DCPS: variants seen among roughly 807,000 people sequenced by gnomAD.
DCPS encodes m7GpppX diphosphatase.
In DCPS, 27 loss-of-function variants were observed where a neutral mutation model predicts 34.7. The observed-to-expected ratio is 0.78, with a 90% CI of 0.57 to 1.07. DCPS has a LOEUF of 1.07. Ranked by LOEUF, DCPS falls within the 50% of genes least tolerant of loss-of-function variation. The probability of loss-of-function intolerance (pLI) is 0.00; values close to 1 mark genes in which losing one functional copy is unlikely to be tolerated. For missense variants in DCPS, 464 were observed against 436.9 expected (o/e 1.06, Z -0.55); for synonymous variants, 185 against 185.7 (o/e 1.00, Z 0.03).
chr11:126,325,212 A>G lies in DCPS; in HGVS notation c.377-6193A>G, dbSNP rs1951731608. On this transcript the variant is annotated intron_variant, in intron 2 of 5. Transcript: ENST00000263579. The surrounding 1 kb of genome is among the most constrained non-coding windows in gnomAD (Gnocchi z 4.3). ...GAAAAAAGAAAAAAAATTAAACAGT[A>G]AAAATGTAATGACTTATTCCATACA... Among the ~76,000 whole-genome samples, 1 of 150,854 alleles carries G rather than the reference A, an allele frequency of 6.6e-6. No homozygotes were observed. The highest frequency in any genetic ancestry group is 1.5e-5 in the Non-Finnish European group (1 of 67,722).
rs918307612 is a variant in DCPS at position 126,329,410 on chromosome 11, G to A, written c.377-1995G>A. Among the ~76,000 whole-genome samples the A allele has an allele frequency of 3.9e-5, 6 of 152,234 alleles. No homozygotes were observed. The highest frequency in any genetic ancestry group is 3.9e-4 in the Admixed American group (6 of 15,282). On this transcript the variant is annotated intron_variant, in intron 2 of 5. Coordinates refer to ENST00000263579, the MANE Select transcript of DCPS (RefSeq NM_014026.6). This position sits in a 1 kb window ranked among gnomAD's most constrained non-coding sequence, Gnocchi z 5.0. ...ACCCTTTAATAGGTGAGGAAGCCAA[G>A]GCTCTAAGACGTTAAGCCCCATGCC...
In DCPS at chr11:126,329,126, C is replaced by G. The variant is rs959058173; in HGVS notation, c.377-2279C>G. ...CCGTTCAGTCTACTTCAAGCAGTCT[C>G]CCGCCTCTTGAGATCTTGGTGTGCC... On this transcript the variant is annotated intron_variant, in intron 2 of 5. Coordinates refer to ENST00000263579, the MANE Select transcript of DCPS (RefSeq NM_014026.6). The surrounding 1 kb of genome is among the most constrained non-coding windows in gnomAD (Gnocchi z 5.0). Among the ~76,000 whole-genome samples the G allele has an allele frequency of 6.6e-6, 1 of 152,180 alleles. No individual in the cohort carries two copies. The highest frequency in any genetic ancestry group is 1.5e-5 in the Non-Finnish European group (1 of 68,028).
chr11:126,327,285 C>T lies in DCPS; in HGVS notation c.377-4120C>T, dbSNP rs1356779078. The stretch of plus-strand genomic sequence containing the variant: ...ATAAAGCCACTAGTTTTGTTGAATG[C>T]CCCTGGATTTTGGTTTGCTGATATT... On this transcript the variant is annotated intron_variant, in intron 2 of 5. Coordinates refer to ENST00000263579, the MANE Select transcript of DCPS (RefSeq NM_014026.6). This position sits in a 1 kb window ranked among gnomAD's most constrained non-coding sequence, Gnocchi z 4.1. Among the ~76,000 whole-genome samples, 1 of 152,164 alleles carries T rather than the reference C, an allele frequency of 6.6e-6. No individual in the cohort carries two copies. The highest frequency in any genetic ancestry group is 1.5e-5 in the Non-Finnish European group (1 of 68,024).
intron 2 of DCPS, among the ~76,000 whole-genome samples, chr11:126,317,868 G>C (rs991970741): frequency 4.6e-5 from 7 of 152,132 alleles, no homozygotes; most frequent in Non-Finnish European, 1.0e-4. Flanking sequence ...TGCTCTTCCT[G>C]TTCACACGGA....
intron 2 of DCPS, among the ~76,000 whole-genome samples, chr11:126,324,904 CTGGGCACGG>C (rs1951729775): frequency 6.6e-6 from 1 of 152,108 alleles, no homozygotes; most frequent in Non-Finnish European, 1.5e-5. Flanking sequence ...CCTTCTCTGG[CTGGGCACGG>C]TGGCTCACAC....
Position 126,333,428 on chromosome 11 carries a change from G to T in DCPS, c.522+1878G>T, listed in dbSNP as rs1951806885. Among the ~76,000 whole-genome samples the T allele has an allele frequency of 6.6e-6, 1 of 152,230 alleles. No individual in the cohort carries two copies. The highest frequency in any genetic ancestry group is 6.5e-5 in the Admixed American group (1 of 15,280). On this transcript the variant is annotated intron_variant, in intron 3 of 5. Transcript: ENST00000263579. This position sits in a 1 kb window ranked among gnomAD's most constrained non-coding sequence, Gnocchi z 5.7. ...AAGATAGACTTGTAAACGGGCAATT[G>T]TGACAATGGGATAAGCACTCTGATG...
chr11:126,339,277 A>G (rs1591391740), intron 4 of DCPS, among the ~76,000 whole-genome samples: 1 of 152,234 alleles, frequency 6.6e-6, no homozygotes, highest in East Asian at 1.9e-4. Flanking sequence ...CTGTGGAGTA[A>G]TCCAGGCTCA....
In DCPS at chr11:126,329,921, C is replaced by T. The variant is rs1043682932; in HGVS notation, c.377-1484C>T. On this transcript the variant is annotated intron_variant, in intron 2 of 5. Transcript: ENST00000263579. This position sits in a 1 kb window ranked among gnomAD's most constrained non-coding sequence, Gnocchi z 5.0. ...TTCCCTGGGAGAGCCTATCCGAACC[C>T]AGATTAAGAAAGTCAGAGGGAACCA... is the stretch of plus-strand genomic sequence containing the variant. Among the ~76,000 whole-genome samples, 2 of 152,070 alleles carry T rather than the reference C, an allele frequency of 1.3e-5. No homozygotes were observed. Among genetic ancestry groups the T allele is most frequent in the African/African-American group, 4.8e-5 (2 of 41,384 alleles).
At chr11:126,307,004 T>G (rs1389330696) in intron 2 of DCPS, among the ~76,000 whole-genome samples, 1 of 151,900 alleles carries the variant, frequency 6.6e-6, no homozygotes, top group Non-Finnish European at 1.5e-5. Flanking sequence ...CAGGACAGGC[T>G]CCCACAGCAA....
In DCPS at chr11:126,304,119, C is replaced by T; in HGVS notation, c.39C>T (p.Arg13=). The T allele has an allele frequency of 6.2e-7, 1 of 1,613,584 alleles. No individual in the cohort carries two copies. Among genetic ancestry groups the T allele is most frequent in the Non-Finnish European group, 8.5e-7 (1 of 1,179,808 alleles). The stretch of plus-strand genomic sequence containing the variant: ...CTCCTCAACTAGGCAAGAGGAAGCG[C>T]GAATTGGACGTGGAGGAGGCCCACG... ...DAAPQLGKRK[R]ELDVEEAHAA... is the part of the protein sequence containing the mutation. The change falls in exon 1 of 6, where the codon CGC becomes CGT. Residue 13 remains arginine, a synonymous_variant. Coordinates refer to ENST00000263579, the MANE Select transcript of DCPS (RefSeq NM_014026.6).
chr11:126,337,262 T>G lies in DCPS; in HGVS notation c.523-1024T>G, dbSNP rs1451415708. On this transcript the variant is annotated intron_variant, in intron 3 of 5. Transcript: ENST00000263579. This position sits in a 1 kb window ranked among gnomAD's most constrained non-coding sequence, Gnocchi z 5.3. ...AGGAGGAAGGGGCAGTAGTATGTCC[T>G]CAGCCACTCCCCTCTCTGGTTTCCT... 6.6e-6 allele frequency: 1 copy of G among 152,280 alleles called. No individual in the cohort carries two copies. Among genetic ancestry groups the G allele is most frequent in the African/African-American group, 2.4e-5 (1 of 41,436 alleles). 9.4% of individuals were successfully genotyped at this position (152,280 alleles called of 1,614,324 possible). A position where few individuals can be genotyped will look rare whatever the true frequency, so the allele number is the denominator to read the frequency against.
rs996397472 is a variant in DCPS, at chr11:126,319,830, C to T, written c.377-11575C>T. ...CAGACTGCCTGGGTTCAGATCTCAG[C>T]TCTGCCACTATTAATAGCTGTGTGT... On this transcript the variant is annotated intron_variant, in intron 2 of 5. Coordinates refer to ENST00000263579, the MANE Select transcript of DCPS (RefSeq NM_014026.6). This position sits in a 1 kb window ranked among gnomAD's most constrained non-coding sequence, Gnocchi z 4.5. Among the ~76,000 whole-genome samples, 3 of 152,172 alleles carry T rather than the reference C, an allele frequency of 2.0e-5. No homozygotes were observed. The highest frequency in any genetic ancestry group is 7.2e-5 in the African/African-American group (3 of 41,440).
intron 2 of DCPS, among the ~76,000 whole-genome samples, chr11:126,318,599 T>C (rs954324127): frequency 6.6e-6 from 1 of 152,246 alleles, no homozygotes; most frequent in Non-Finnish European, 1.5e-5. Flanking sequence ...GACCCATCCC[T>C]GGCTGGCTCT....
At chr11:126,311,913 C>T (rs1951620626) in intron 2 of DCPS, among the ~76,000 whole-genome samples, 1 of 152,100 alleles carries the variant, frequency 6.6e-6, no homozygotes. Flanking sequence ...AGAAATGAAA[C>T]TTTATTTATT....
chr11:126,316,329 CT>C (rs764198724), intron 2 of DCPS, among the ~76,000 whole-genome samples: 203 of 142,270 alleles, frequency 1.4e-3, no homozygotes, highest in Non-Finnish European at 1.5e-3. Flanking sequence ...TCCGTGATTT[CT>C]TTTTTTTTTT....
At chr11:126,324,031 C>T (rs967672221) in intron 2 of DCPS, among the ~76,000 whole-genome samples, 1 of 152,082 alleles carries the variant, frequency 6.6e-6, no homozygotes, top group African/African-American at 2.4e-5. Context: ...GGGGTTTCAC[C>T]ATATTGGCCA....
In DCPS at chr11:126,338,894, T is replaced by TTGGCCCC. The variant is rs1258690985; in HGVS notation, c.636+496_636+502dup. Among the ~76,000 whole-genome samples, 6 of 152,328 alleles carry TTGGCCCC rather than the reference T, an allele frequency of 3.9e-5. No individual in the cohort carries two copies. In the South Asian group the frequency reaches 1.2e-3, roughly 32 times the overall value. On this transcript the variant is annotated intron_variant, in intron 4 of 5. Transcript: ENST00000263579. The surrounding 1 kb of genome is among the most constrained non-coding windows in gnomAD (Gnocchi z 5.4). Reference sequence around the variant, plus strand: ...TAGCCCAGACTTCTACTCAGGCCCCTTGGCCCCGTGCCCTGCCTCCAAGCA... The same window carrying TTGGCCCC: ...TAGCCCAGACTTCTACTCAGGCCCCTTGGCCCCTGGCCCCGTGCCCTGCCTCCAAGCA...
In DCPS at chr11:126,343,156, C is replaced by T. The variant is rs1053573446; in HGVS notation, c.637-151C>T. On this transcript the variant is annotated intron_variant, in intron 4 of 5. Coordinates refer to ENST00000263579, the MANE Select transcript of DCPS (RefSeq NM_014026.6). The stretch of plus-strand genomic sequence containing the variant: ...GCCTGCTCCTTAAGACCATCCCACA[C>T]GCCCGGGGTATGCAGATGCCCTGCG... The T allele has an allele frequency of 3.1e-4, 198 of 647,440 alleles. 1 individual carries two copies. Among genetic ancestry groups the T allele is most frequent in the Non-Finnish European group, 2.1e-4 (75 of 357,580 alleles). 40.1% of individuals were successfully genotyped at this position (647,440 alleles called of 1,614,324 possible). A position where few individuals can be genotyped will look rare whatever the true frequency, so the allele number is the denominator to read the frequency against.
rs1951758377 is a variant in DCPS at position 126,328,646 on chromosome 11, AGGCTGGGAGCCC to A, written c.377-2751_377-2740del. 6.6e-6 allele frequency among the ~76,000 whole-genome samples: 1 copy of A among 152,074 alleles called. No homozygotes were observed. The highest frequency in any genetic ancestry group is 1.5e-5 in the Non-Finnish European group (1 of 67,988). ...CTGATCTGGAGCAGCCAGGAGCCCC[AGGCTGGGAGCCC>A]GGCTGGGTGACCCTGCCCGCAGAAC... On this transcript the variant is annotated intron_variant, in intron 2 of 5. Coordinates refer to ENST00000263579, the MANE Select transcript of DCPS (RefSeq NM_014026.6). This position sits in a 1 kb window ranked among gnomAD's most constrained non-coding sequence, Gnocchi z 6.6.
Sources: allele counts gnomAD v4.1 joint callset (sites outside exome capture counted in the v4.1 genomes callset), GRCh38; gene constraint gnomAD v4.1.1; non-coding constraint Gnocchi (gnomAD v3.1); transcripts MANE v1.5; gene names NCBI Gene and HGNC (gene_info 2026-07-23, HGNC 2026-07-21).